The following TNFSF4 variants were observed in gnomAD, a reference collection of about 807,000 sequenced individuals.
TNFSF4 encodes the protein tumor necrosis factor ligand superfamily member 4.
Under a neutral mutation model 7.3 loss-of-function variants are expected in TNFSF4, and 4 were observed. That is an observed-to-expected ratio of 0.55 (90% confidence interval 0.27 to 1.25). TNFSF4 has a LOEUF of 1.25. TNFSF4 is among the 50% of genes most tolerant of loss of function. The pLI is 0.12. For synonymous variants in TNFSF4, 76 were observed against 83.7 expected, an observed-to-expected ratio of 0.91 and a Z score of 0.50; for missense variants, 181 against 208.8, an observed-to-expected ratio of 0.87 and a Z score of 0.82.
chr1:173,261,212 C>CT, the TNFSF4 span, among the ~76,000 whole-genome samples: 3 of 152,118 alleles, frequency 2.0e-5, no homozygotes, highest in Non-Finnish European at 4.4e-5. Flanking sequence ...ATTGAAAAAC[C>CT]TCCTCCTGAA....
intron 1 of TNFSF4, among the ~76,000 whole-genome samples, chr1:173,197,724 T>C (rs1221302947): frequency 6.6e-6 from 1 of 152,074 alleles, no homozygotes; most frequent in Non-Finnish European, 1.5e-5. Context: ...AGCTAATGGA[T>C]GCTGAGCTTA....
At chr1:173,273,870 T>C in the TNFSF4 span, among the ~76,000 whole-genome samples, 7 of 152,130 alleles carry the variant, frequency 4.6e-5, no homozygotes, top group Non-Finnish European at 1.0e-4. Flanking sequence ...TGGATAATTG[T>C]ATTTGCTTCA....
At chr1:173,428,008 T>C in the TNFSF4 span, among the ~76,000 whole-genome samples, 1 of 151,056 alleles carries the variant, frequency 6.6e-6, no homozygotes, top group Non-Finnish European at 1.5e-5. Context: ...GCTGAAGTGG[T>C]GCGATCTTGG....
At chr1:173,375,159 C>T in the TNFSF4 span, among the ~76,000 whole-genome samples, 1 of 152,188 alleles carries the variant, frequency 6.6e-6, no homozygotes, top group African/African-American at 2.4e-5. Context: ...TTTTTAGCCT[C>T]CTTGTCAAAT....
the TNFSF4 span, among the ~76,000 whole-genome samples, chr1:173,175,724 T>C: frequency 1.3e-5 from 2 of 152,198 alleles, no homozygotes; most frequent in Admixed American, 6.5e-5. Flanking sequence ...GGAAAAACAA[T>C]CATCAGGTCA....
At chr1:173,435,484 AG>A in the TNFSF4 span, among the ~76,000 whole-genome samples, 2 of 152,298 alleles carry the variant, frequency 1.3e-5, no homozygotes, top group East Asian at 3.9e-4. Context: ...GACACCAGCG[AG>A]CTTACTCTCT....
chr1:173,305,636 T>G, the TNFSF4 span, among the ~76,000 whole-genome samples: 1 of 151,744 alleles, frequency 6.6e-6, no homozygotes, highest in Non-Finnish European at 1.5e-5. Context: ...ACTTACCCTT[T>G]GTATTAGTCC....
At chr1:173,314,948 G>A in the TNFSF4 span, among the ~76,000 whole-genome samples, 10 of 152,070 alleles carry the variant, frequency 6.6e-5, no homozygotes, top group African/African-American at 2.4e-4. Flanking sequence ...GGTAGGAGAA[G>A]TGGGGCAAGG....
chr1:173,228,319 G>A, the TNFSF4 span, among the ~76,000 whole-genome samples: 1 of 152,212 alleles, frequency 6.6e-6, no homozygotes, highest in Non-Finnish European at 1.5e-5. Context: ...GGCAAAGAGG[G>A]TCTGGAGTGG....
the TNFSF4 span, among the ~76,000 whole-genome samples, chr1:173,346,583 G>A: frequency 7.9e-5 from 12 of 152,140 alleles, no homozygotes; most frequent in African/African-American, 1.2e-4. Flanking sequence ...GTCTCCCTAA[G>A]ATTCAGCAGT....
chr1:173,266,912 G>A, the TNFSF4 span, among the ~76,000 whole-genome samples: 2 of 151,948 alleles, frequency 1.3e-5, no homozygotes, highest in Admixed American at 6.6e-5. Context: ...TCAGTATCAC[G>A]GTGTCATGAA....
At chr1:173,253,852 T>C in the TNFSF4 span, among the ~76,000 whole-genome samples, 2 of 152,208 alleles carry the variant, frequency 1.3e-5, no homozygotes, top group Admixed American at 6.5e-5. Flanking sequence ...TGTCTAAATA[T>C]TAGTTGTAGG....
At chr1:173,302,356 G>C in the TNFSF4 span, among the ~76,000 whole-genome samples, 3 of 151,896 alleles carry the variant, frequency 2.0e-5, no homozygotes, top group African/African-American at 7.2e-5. Flanking sequence ...ACTGATTGTA[G>C]AGAGTTCTGA....
the TNFSF4 span, among the ~76,000 whole-genome samples, chr1:173,368,527 C>T: frequency 6.6e-6 from 1 of 152,174 alleles, no homozygotes; most frequent in African/African-American, 2.4e-5. Flanking sequence ...GTGACTAGCA[C>T]AGGGCCTGAC....
the TNFSF4 span, among the ~76,000 whole-genome samples, chr1:173,399,097 G>T: frequency 1.3e-5 from 2 of 152,184 alleles, no homozygotes; most frequent in Non-Finnish European, 2.9e-5. Context: ...ATAAAGTTGG[G>T]TGTACACAGC....
the TNFSF4 span, among the ~76,000 whole-genome samples, chr1:173,322,460 G>A: frequency 6.6e-6 from 1 of 152,246 alleles, no homozygotes; most frequent in East Asian, 1.9e-4. Context: ...CCCAGCATGA[G>A]CAATACAGAA....
the TNFSF4 span, among the ~76,000 whole-genome samples, chr1:173,368,068 C>T: frequency 6.6e-6 from 1 of 152,092 alleles, no homozygotes; most frequent in African/African-American, 2.4e-5. Flanking sequence ...CTCTGTAAAA[C>T]GCACCAATCA....
chr1:173,374,053 C>T, the TNFSF4 span, among the ~76,000 whole-genome samples: 3 of 152,266 alleles, frequency 2.0e-5, no homozygotes, highest in Admixed American at 2.0e-4. Context: ...AGGAAACTAA[C>T]ACAAGAAACT....
At chr1:173,239,050 T>A in the TNFSF4 span, among the ~76,000 whole-genome samples, 5 of 152,208 alleles carry the variant, frequency 3.3e-5, no homozygotes, top group African/African-American at 1.2e-4. Flanking sequence ...AAGATGTTGA[T>A]GGTGATTGCT....
Sources: gnomAD v4.1 joint callset for allele counts (sites outside exome capture counted in the v4.1 genomes callset) on GRCh38, gnomAD v4.1.1 for gene constraint, MANE v1.5 for transcripts, NCBI Gene and HGNC (gene_info 2026-07-23, HGNC 2026-07-21) for gene names.